POTEB: variants seen among roughly 807,000 people sequenced by gnomAD.
POTEB encodes ANKRD26-like family B, member 1.
chr15:21,854,482 T>A (rs1312238639), intron 9 of POTEB, among the ~76,000 whole-genome samples: 1 of 150,532 alleles, frequency 6.6e-6, no homozygotes, highest in Non-Finnish European at 1.5e-5. Context: ...ACAGATTAAA[T>A]AAAATGAGGT....
chr15:21,871,364 A>AGC (rs1326131324), intron 3 of POTEB, among the ~76,000 whole-genome samples: 1 of 12,110 alleles, frequency 8.3e-5, no homozygotes, highest in African/African-American at 1.7e-4. Flanking sequence ...CAACAATAAC[A>AGC]ACACACACAC....
At chr15:21,854,563 A>G (rs1184611830) in intron 9 of POTEB, among the ~76,000 whole-genome samples, 1 of 150,634 alleles carries the variant, frequency 6.6e-6, no homozygotes, top group Non-Finnish European at 1.5e-5. Flanking sequence ...ATGCTGGAGG[A>G]CTGCTGAAAT....
Position 21,855,311 on chromosome 15 carries a change from T to G in POTEB, c.1298+1481A>C, listed in dbSNP as rs1889862619. Among the ~76,000 whole-genome samples, 5 of 148,356 alleles carry G rather than the reference T, an allele frequency of 3.4e-5. No homozygotes were observed. The Admixed American group carries it at 3.5e-4, about 10-fold the overall frequency. On this transcript the variant is annotated intron_variant, in intron 9 of 10. Coordinates refer to ENST00000439682, the MANE Select transcript of POTEB (RefSeq NM_001277304.2). ...CCAGGCCACTGACTGTTTTTGTAAGTAAAGAATCTTGGAACACAGCCATGC... is the reference window on the plus strand; with the variant it reads ...CCAGGCCACTGACTGTTTTTGTAAGGAAAGAATCTTGGAACACAGCCATGC...
chr15:21,853,244 G>C (rs1479186486), intron 9 of POTEB, among the ~76,000 whole-genome samples: 720 of 11,212 alleles, frequency 0.064, 294 homozygotes, highest in Non-Finnish European at 0.15. Context: ...AAATAAAGAA[G>C]TGAAGGAATG....
intron 10 of POTEB, among the ~76,000 whole-genome samples, chr15:21,847,387 G>T (rs537660825): frequency 2.9e-5 from 2 of 69,568 alleles, no homozygotes; most frequent in Admixed American, 3.3e-4. Context: ...TATATGCAAC[G>T]TGCAAGATTT....
intron 10 of POTEB, among the ~76,000 whole-genome samples, chr15:21,847,629 C>T (rs1202465526): frequency 2.7e-4 from 1 of 3,654 alleles, no homozygotes; most frequent in Non-Finnish European, 7.3e-4. Context: ...ATACGGGAAA[C>T]GTACTGAACT....
At chr15:21,854,424 A>G (rs1214385994) in intron 9 of POTEB, among the ~76,000 whole-genome samples, 1 of 149,924 alleles carries the variant, frequency 6.7e-6, no homozygotes, top group Non-Finnish European at 1.5e-5. Context: ...AAGCCAAGTG[A>G]AGATGCCGTT....
At chr15:21,855,257 G>T (rs1595404458) in intron 9 of POTEB, among the ~76,000 whole-genome samples, 1 of 148,314 alleles carries the variant, frequency 6.7e-6, no homozygotes, top group South Asian at 2.2e-4. Flanking sequence ...TAGCACAAGG[G>T]TCAGCAAATT....
At chr15:21,854,961 TCTTG>T (rs1889846627) in intron 9 of POTEB, among the ~76,000 whole-genome samples, 1 of 143,862 alleles carries the variant, frequency 7.0e-6, no homozygotes, top group African/African-American at 2.5e-5. Context: ...GGAGAGTATT[TCTTG>T]CTTGATAAAA....
Sources: gnomAD v4.1 joint callset for allele counts (sites outside exome capture counted in the v4.1 genomes callset) on GRCh38, gnomAD v4.1.1 for gene constraint, MANE v1.5 for transcripts, NCBI Gene and HGNC (gene_info 2026-07-23, HGNC 2026-07-21) for gene names.